MROH9: variants seen among roughly 807,000 people sequenced by gnomAD.
MROH9 encodes the protein maestro heat-like repeat-containing protein family member 9.
In MROH9, 92 loss-of-function variants were observed where a neutral mutation model predicts 98.2. The observed-to-expected ratio is 0.94, with a 90% confidence interval of 0.79 to 1.11. The LOEUF is 1.11. Among genes scored for constraint, MROH9 ranks in the 50% most tolerant of loss-of-function variants. MROH9 has a pLI of 0.00. For synonymous variants in MROH9, 397 were observed against 368.9 expected (o/e 1.08, Z -0.87); for missense variants, 1,057 against 1,014.8 (o/e 1.04, Z -0.57).
At chr1:170,993,044 GC>G (rs149686823) in intron 12 of MROH9, among the ~76,000 whole-genome samples, 6,853 of 152,212 alleles carry the variant, frequency 0.045, 225 homozygotes, top group Non-Finnish European at 0.068. Context: ...TTTCTACGAT[GC>G]CAATTACAAT....
chr1:171,061,222 A>G (rs747686021), intron 20 of MROH9, among the ~76,000 whole-genome samples: 1 of 152,190 alleles, frequency 6.6e-6, no homozygotes, highest in Admixed American at 6.5e-5. Context: ...TAACAGTATC[A>G]ATTGTTCGGA....
intron 3 of MROH9, among the ~76,000 whole-genome samples, chr1:170,954,866 T>G (rs754523025): frequency 6.6e-6 from 1 of 152,088 alleles, no homozygotes; most frequent in Non-Finnish European, 1.5e-5. Flanking sequence ...TTTGGTTACA[T>G]GAGTAAATTC....
At chr1:171,014,483 A>G (rs1210235412) in intron 16 of MROH9, among the ~76,000 whole-genome samples, 6 of 151,080 alleles carry the variant, frequency 4.0e-5, no homozygotes, top group Non-Finnish European at 4.4e-5. Context: ...TTTACAGAAA[A>G]TCATTCATTG....
rs901349678 is a variant in MROH9 at position 170,998,601 on chromosome 1, A to G, written c.1596+327A>G. The G allele has an allele frequency of 6.9e-6, 9 of 1,303,728 alleles. No homozygotes were observed. In the East Asian group the frequency reaches 3.0e-4, roughly 43 times the overall value. The allele number at this position is 1,303,728 out of a possible 1,614,324, so 80.8% of individuals were successfully genotyped here. A position where few individuals can be genotyped will look rare whatever the true frequency, so the allele number is the denominator to read the frequency against. ...TATTGAGGGATAATTGGGTTTAATAAAGATGGTAGTTAACATCTGGGATCT... is the reference window on the plus strand; with the variant it reads ...TATTGAGGGATAATTGGGTTTAATAGAGATGGTAGTTAACATCTGGGATCT... On this transcript the variant is annotated intron_variant, in intron 15 of 21. Transcript: ENST00000367759.
At chr1:170,945,096 G>A (rs1649272289) in intron 1 of MROH9, among the ~76,000 whole-genome samples, 1 of 151,922 alleles carries the variant, frequency 6.6e-6, no homozygotes, top group South Asian at 2.1e-4. Context: ...CTCTGGAACA[G>A]GTCATATGGC....
intron 20 of MROH9, among the ~76,000 whole-genome samples, chr1:171,048,173 C>T (rs531841740): frequency 6.0e-4 from 92 of 152,278 alleles, no homozygotes; most frequent in African/African-American, 2.2e-3. Flanking sequence ...TGTTCTCTCA[C>T]GGCCTGTGGA....
chr1:171,056,942 T>C (rs1319319691), intron 20 of MROH9, among the ~76,000 whole-genome samples: 1 of 152,006 alleles, frequency 6.6e-6, no homozygotes, highest in East Asian at 1.9e-4. Flanking sequence ...AAAAAAGTCC[T>C]CACAAAAACT....
intron 20 of MROH9, among the ~76,000 whole-genome samples, chr1:171,039,632 G>C (rs770563247): frequency 5.3e-5 from 8 of 152,116 alleles, no homozygotes; most frequent in Non-Finnish European, 1.0e-4. Flanking sequence ...TGTTAGCTGG[G>C]TGGCCAGCTA....
intron 9 of MROH9, among the ~76,000 whole-genome samples, chr1:170,984,168 A>G (rs61816052): frequency 0.083 from 12,645 of 152,214 alleles, 654 homozygotes; most frequent in Non-Finnish European, 0.11. Context: ...AGCACCTTCC[A>G]GCCACACACG....
chr1:171,005,057 G>C (rs1374170461), intron 15 of MROH9, among the ~76,000 whole-genome samples: 1 of 151,504 alleles, frequency 6.6e-6, no homozygotes, highest in Non-Finnish European at 1.5e-5. Context: ...AAATCACTTC[G>C]GGTGGTATAG....
chr1:170,984,358 G>T (rs955565111), intron 9 of MROH9, among the ~76,000 whole-genome samples: 4 of 152,158 alleles, frequency 2.6e-5, no homozygotes. Flanking sequence ...ATCTAACATG[G>T]TATGGTCAAA....
intron 20 of MROH9, among the ~76,000 whole-genome samples, chr1:171,042,471 T>C (rs952271726): frequency 6.6e-6 from 1 of 152,138 alleles, no homozygotes; most frequent in African/African-American, 2.4e-5. Flanking sequence ...ATATCTTTGA[T>C]AGACTGATTT....
chr1:170,997,100 T>C (rs779152146), intron 14 of MROH9, among the ~76,000 whole-genome samples: 1 of 152,170 alleles, frequency 6.6e-6, no homozygotes, highest in Admixed American at 6.6e-5. Flanking sequence ...GGGGGTTTTC[T>C]AGTTAACCCT....
At chr1:171,025,225 G>C (rs1020826015) in intron 19 of MROH9, 93 bp from the exon 20 acceptor site, 9 of 691,328 alleles carry the variant, frequency 1.3e-5, no homozygotes, top group South Asian at 1.8e-5. Flanking sequence ...TTTCTAATTT[G>C]GTCCTGATTT....
chr1:171,015,130 C>T (rs767035882), intron 16 of MROH9: 3 of 458,640 alleles, frequency 6.5e-6, no homozygotes, highest in South Asian at 1.6e-5. Flanking sequence ...AATAATAAAT[C>T]GTTGTTTATC....
intron 20 of MROH9, among the ~76,000 whole-genome samples, chr1:171,037,217 TGAG>T (rs1262474708): frequency 7.4e-6 from 1 of 135,388 alleles, no homozygotes; most frequent in Non-Finnish European, 1.6e-5. Context: ...AAATAAAAAA[TGAG>T]GAAGAAAAGG....
At position 170,983,564 on chromosome 1, in the gene MROH9, TTTTG is replaced by T. The variant is rs1165146599; in HGVS notation, c.729+34_729+37del. ...CTTAGCCCCCACTTTTTCCGAGGGCTTTTGTTTATGTGTATGATTACTCTTAGTA... is the reference window on the plus strand; with the variant it reads ...CTTAGCCCCCACTTTTTCCGAGGGCTTTTATGTGTATGATTACTCTTAGTA... On this transcript the variant is annotated intron_variant, in intron 9 of 21. Transcript: ENST00000367759. 3 of 1,292,244 alleles carry T rather than the reference TTTTG, an allele frequency of 2.3e-6. No individual in the cohort carries two copies. In the South Asian group the frequency reaches 3.6e-5, roughly 16 times the overall value. The allele number at this position is 1,292,244 out of a possible 1,614,324, so 80.0% of individuals were successfully genotyped here. A position where few individuals can be genotyped will look rare whatever the true frequency, so the allele number is the denominator to read the frequency against.
At chr1:170,971,646 T>C (rs1384503747) in intron 7 of MROH9, 102 bp from the exon 8 acceptor site, 2 of 1,333,878 alleles carry the variant, frequency 1.5e-6, no homozygotes, top group Non-Finnish European at 2.1e-6. Flanking sequence ...CTGAAGCTTA[T>C]CTTAGAATCC....
chr1:170,999,824 T>C (rs1651727095), intron 15 of MROH9, among the ~76,000 whole-genome samples: 1 of 152,082 alleles, frequency 6.6e-6, no homozygotes, highest in East Asian at 1.9e-4. Flanking sequence ...CCCTGATCAC[T>C]GCATTCACAA....
Sources: allele counts gnomAD v4.1 joint callset (sites outside exome capture counted in the v4.1 genomes callset), GRCh38; gene constraint gnomAD v4.1.1; transcripts MANE v1.5; gene names NCBI Gene and HGNC (gene_info 2026-07-23, HGNC 2026-07-21).